The following ZNF559 variants were observed in gnomAD, a reference collection of about 807,000 sequenced individuals.
ZNF559 encodes putative protein product of Nbla00121.
ZNF559 carries 17 observed loss-of-function variants against 14.2 expected under a neutral mutation model. The ratio of observed to expected loss-of-function variants is 1.20; its 90% CI spans 0.82 to 1.80. The LOEUF (loss-of-function observed/expected upper bound fraction) is 1.80. Ranked by LOEUF, ZNF559 falls within the 40% of genes most tolerant of loss-of-function variation. The probability of loss-of-function intolerance (pLI) is 0.00; values close to 1 mark genes in which losing one functional copy is unlikely to be tolerated. For missense variants in ZNF559, 740 were observed against 629.7 expected (o/e 1.18, Z -1.88); for synonymous variants, 244 against 212.4 (o/e 1.15, Z -1.29).
chr19:9,338,715 T>C (rs2067375461), intron 4 of ZNF559, 133 bp downstream of exon 4: 1 of 656,260 alleles, frequency 1.5e-6, no homozygotes, highest in African/African-American at 1.8e-5. Flanking sequence ...ATCAAACTTC[T>C]TCGGACCACA....
chr19:9,337,960 T>A (rs532484871), intron 3 of ZNF559, 102 bp downstream of exon 3: 1 of 1,536,090 alleles, frequency 6.5e-7, no homozygotes, highest in African/African-American at 1.4e-5. Flanking sequence ...AACAAGATAT[T>A]CAGGCACATT....
chr19:9,337,875 C>T lies in ZNF559; in HGVS notation c.-57+17C>T, dbSNP rs150308015. On this transcript the variant is annotated intron_variant, in intron 3 of 6. Transcript: ENST00000603380. ...AGATTGACGGTATGAGGCAAGACTC[C>T]CACTACTACTTAATCAAGAGGAATT... 8.8e-5 allele frequency: 134 copies of T among 1,523,384 alleles called. No individual in the cohort carries two copies. In the African/African-American group the frequency reaches 1.5e-3, roughly 18 times the overall value. The allele number at this position is 1,523,384 out of a possible 1,614,324, so 94.4% of individuals were successfully genotyped here. A position where few individuals can be genotyped will look rare whatever the true frequency, so the allele number is the denominator to read the frequency against.
In ZNF559 at chr19:9,338,619, C is replaced by T. The variant is rs766503288; in HGVS notation, c.33+37C>T. ...ATTGCTTTTTCTGTAGAAGCATATG[C>T]TTCTTCCTACCATGTAGATGTGTTT... On this transcript the variant is annotated intron_variant, in intron 4 of 6. Coordinates refer to ENST00000603380, the MANE Select transcript of ZNF559 (RefSeq NM_032497.3). 2.0e-6 allele frequency: 3 copies of T among 1,471,042 alleles called. No homozygotes were observed. In the East Asian group the frequency reaches 6.8e-5, roughly 33 times the overall value. 91.1% of individuals were successfully genotyped at this position (1,471,042 alleles called of 1,614,324 possible).
chr19:9,324,379 G>C (rs1238279833), intron 1 of ZNF559, 151 bp downstream of exon 1: 3 of 1,489,328 alleles, frequency 2.0e-6, no homozygotes, highest in South Asian at 1.3e-5. Context: ...CCAAGTCGCG[G>C]CCCCTCCTCT....
At chr19:9,337,617 C>G (rs1252854368) in intron 2 of ZNF559, 179 bp from the exon 3 acceptor site, 1 of 262,524 alleles carries the variant, frequency 3.8e-6, no homozygotes, top group Non-Finnish European at 7.3e-6. Flanking sequence ...TAATTAGTGT[C>G]TGAGCTTAGG....
At position 9,343,863 on chromosome 19, in the gene ZNF559, A is replaced by G. The variant is rs530324244; in HGVS notation, c.*795A>G. ...GGTCTGAAGATCCTGAGTTATCTCA[A>G]TTGTTCACGGTTACAGATGGAACTC... On this transcript the variant is annotated 3_prime_UTR_variant, in exon 7 of 7. Transcript: ENST00000603380. 1.1e-4 allele frequency: 106 copies of G among 943,118 alleles called. No homozygotes were observed. In the South Asian group the frequency reaches 4.2e-3, roughly 37 times the overall value. 58.4% of individuals were successfully genotyped at this position (943,118 alleles called of 1,614,324 possible).
chr19:9,336,010 A>G (rs1392795520), intron 2 of ZNF559, among the ~76,000 whole-genome samples: 2 of 152,386 alleles, frequency 1.3e-5, no homozygotes, highest in East Asian at 1.9e-4. Flanking sequence ...AAAGCAAAGT[A>G]AAGAAATTAC....
In ZNF559 at chr19:9,324,224, C is replaced by T. The variant is rs968188492; in HGVS notation, c.-210C>T. 1 of 1,535,982 alleles carries T rather than the reference C, an allele frequency of 6.5e-7. No individual in the cohort carries two copies. Among genetic ancestry groups the T allele is most frequent in the Non-Finnish European group, 8.7e-7 (1 of 1,146,898 alleles). On this transcript the variant is annotated 5_prime_UTR_variant, in exon 1 of 7. Coordinates refer to ENST00000603380, the MANE Select transcript of ZNF559 (RefSeq NM_032497.3). The stretch of plus-strand genomic sequence containing the variant: ...CTTAACAGCGCGTTCCCGTTGGCGT[C>T]TGAGGTAAGTTTTTGTTTCTGGGCG...
intron 2 of ZNF559, among the ~76,000 whole-genome samples, chr19:9,333,735 C>T (rs2067066645): frequency 7.8e-6 from 1 of 127,470 alleles, no homozygotes; most frequent in Non-Finnish European, 1.7e-5. Flanking sequence ...GAGATAATTC[C>T]TACGTATGTA....
intron 2 of ZNF559, among the ~76,000 whole-genome samples, chr19:9,333,336 G>T (rs1194180033): frequency 1.3e-5 from 2 of 152,034 alleles, no homozygotes; most frequent in Non-Finnish European, 2.9e-5. Flanking sequence ...TAAGTCAAAG[G>T]GTAAATACAT....
At chr19:9,332,765 T>G (rs2067008107) in intron 2 of ZNF559, among the ~76,000 whole-genome samples, 1 of 152,198 alleles carries the variant, frequency 6.6e-6, no homozygotes, top group Non-Finnish European at 1.5e-5. Flanking sequence ...CTTTCTCTCA[T>G]CACTCATCCA....
Position 9,341,846 on chromosome 19 carries a change from C to G in ZNF559, c.395C>G (p.Ser132Cys). The change falls in exon 7 of 7, where the codon TCT (serine) becomes TGT (cysteine). Residue 132 changes from serine to cysteine, a missense_variant. Ser to Cys is a moderately radical substitution (Grantham distance 112). Coordinates refer to ENST00000603380, the MANE Select transcript of ZNF559 (RefSeq NM_032497.3). ...NQCEKAFRKP[S>C]IFTLHKKTDI... Reference sequence around the variant, plus strand: ...TGTGAAAAAGCCTTCAGAAAACCCTCTATCTTTACTTTACACAAGAAAACT... The same window carrying G: ...TGTGAAAAAGCCTTCAGAAAACCCTGTATCTTTACTTTACACAAGAAAACT... 4 of 1,609,876 alleles carry G rather than the reference C, an allele frequency of 2.5e-6. No individual in the cohort carries two copies. The highest frequency in any genetic ancestry group is 3.4e-6 in the Non-Finnish European group (4 of 1,178,998).
chr19:9,324,576 T>A (rs576848775), intron 1 of ZNF559, 119 bp from the exon 2 acceptor site: 1 of 1,166,452 alleles, frequency 8.6e-7, no homozygotes, highest in Non-Finnish European at 1.2e-6. Flanking sequence ...GGAGGATTAC[T>A]TGAGGCCAGG....
intron 2 of ZNF559, among the ~76,000 whole-genome samples, chr19:9,326,911 ATTTTAT>A (rs1359423199): frequency 1.3e-5 from 2 of 152,238 alleles, no homozygotes; most frequent in African/African-American, 4.8e-5. Context: ...TTCAATAACA[ATTTTAT>A]TTTTAAAGTT....
chr19:9,326,317 G>C (rs1008194813), intron 2 of ZNF559, among the ~76,000 whole-genome samples: 1 of 152,074 alleles, frequency 6.6e-6, no homozygotes, highest in African/African-American at 2.4e-5. Flanking sequence ...GTGTTGGCCA[G>C]GCTGGTCTCG....
Position 9,341,945 on chromosome 19 carries a change from A to G in ZNF559, c.494A>G (p.Lys165Arg), listed in dbSNP as rs1216808786. The change falls in exon 7 of 7, where the codon AAG becomes AGG. Residue 165 changes from lysine (K) to arginine (R), a missense_variant. Physicochemically the swap from Lys to Arg is conservative, Grantham distance 26. Coordinates refer to ENST00000603380, the MANE Select transcript of ZNF559 (RefSeq NM_032497.3). ...AFSQHLHLVC[K>R]KTSQNLHLVC... is the part of the protein sequence containing the mutation. Reference sequence around the variant, plus strand: ...AGCCAACATCTACATCTTGTTTGCAAGAAAACTAGCCAAAATCTACATCTT... The same window carrying G: ...AGCCAACATCTACATCTTGTTTGCAGGAAAACTAGCCAAAATCTACATCTT... 6.2e-7 allele frequency: 1 copy of G among 1,613,800 alleles called. No homozygotes were observed. The highest frequency in any genetic ancestry group is 8.5e-7 in the Non-Finnish European group (1 of 1,179,950).
rs1224965150 is a variant in ZNF559 at position 9,342,919 on chromosome 19, G to GA, written c.1470dup (p.Arg491ThrfsTer4). ...AGTACACATGAGAACTCACACTGGT[G>GA]AACGGCCCTTTGAATGTCAGGAATG... On this transcript the variant is annotated frameshift_variant, in exon 7 of 7. Transcript: ENST00000603380. LOFTEE classifies it low-confidence loss of function (END_TRUNC). 3 of 1,614,088 alleles carry GA rather than the reference G, an allele frequency of 1.9e-6. No homozygotes were observed. Among genetic ancestry groups the GA allele is most frequent in the Non-Finnish European group, 1.7e-6 (2 of 1,180,040 alleles).
intron 2 of ZNF559, among the ~76,000 whole-genome samples, chr19:9,334,373 G>C (rs901644961): frequency 3.3e-5 from 5 of 152,140 alleles, no homozygotes; most frequent in South Asian, 2.1e-4. Context: ...TTGGATTTCA[G>C]ATTTTCAGAT....
chr19:9,335,584 A>G (rs947480167), intron 2 of ZNF559, among the ~76,000 whole-genome samples: 13 of 152,182 alleles, frequency 8.5e-5, no homozygotes, highest in African/African-American at 2.2e-4. Context: ...GTCTGGCTCT[A>G]TCGCCCAGAC....
Sources: allele counts gnomAD v4.1 joint callset (sites outside exome capture counted in the v4.1 genomes callset), GRCh38; gene constraint gnomAD v4.1.1; transcripts MANE v1.5; gene names NCBI Gene and HGNC (gene_info 2026-07-23, HGNC 2026-07-21).